Variants in ERC2 observed in about 807,000 individuals in gnomAD.
ERC2 encodes ERC protein 2.
Under a neutral mutation model 114.8 loss-of-function variants are expected in ERC2, and 42 were observed. The observed-to-expected ratio is 0.37, with a 90% confidence interval of 0.29 to 0.47. The LOEUF (loss-of-function observed/expected upper bound fraction) is 0.47. ERC2 is among the 20% of genes least tolerant of loss of function. The probability of loss-of-function intolerance (pLI) is 0.99; values close to 1 mark genes in which losing one functional copy is unlikely to be tolerated. For missense variants in ERC2, 939 were observed against 1,150.7 expected (o/e 0.82, Z 2.66); for synonymous variants, 454 against 425.5 (o/e 1.07, Z -0.82).
At chr3:55,574,897 C>T (rs1038562674) in intron 17 of ERC2, among the ~76,000 whole-genome samples, 4 of 152,206 alleles carry the variant, frequency 2.6e-5, no homozygotes, top group Non-Finnish European at 5.9e-5. Flanking sequence ...CCCTAGCTGA[C>T]CCCACTGCCA....
chr3:56,199,414 A>G (rs1345199325), intron 3 of ERC2, among the ~76,000 whole-genome samples: 1 of 152,042 alleles, frequency 6.6e-6, no homozygotes, highest in Non-Finnish European at 1.5e-5. Context: ...AAACAAGGGG[A>G]GTGGTAATTA....
At chr3:55,919,994 A>T (rs770471781) in intron 13 of ERC2, among the ~76,000 whole-genome samples, 30 of 152,290 alleles carry the variant, frequency 2.0e-4, no homozygotes, top group Admixed American at 7.9e-4. Context: ...AAATAATAGC[A>T]CATATTATCT....
chr3:56,431,361 A>G (rs2061781616), intron 2 of ERC2, among the ~76,000 whole-genome samples: 1 of 152,090 alleles, frequency 6.6e-6, no homozygotes, highest in Non-Finnish European at 1.5e-5. Context: ...CAATTATGTC[A>G]CTTTCAGTTC....
At position 56,296,025 on chromosome 3, in the gene ERC2, A is replaced by G; in HGVS notation, c.1068T>C (p.Leu356=). Reference sequence around the variant, plus strand: ...ATACAGTGAATGCTCTTACCTCTCTAAGATGTATGTTTTCCTTCTCTTTCT... The same window carrying G: ...ATACAGTGAATGCTCTTACCTCTCTGAGATGTATGTTTTCCTTCTCTTTCT... ...LDQKEKENIH[L]REELHRRSQL... is the part of the protein sequence containing the mutation. The change falls in exon 3 of 18, where the codon CTT becomes CTC. Residue 356 remains leucine, a synonymous_variant. Coordinates refer to ENST00000288221, the MANE Select transcript of ERC2 (RefSeq NM_015576.3). 1 of 1,588,988 alleles carries G rather than the reference A, an allele frequency of 6.3e-7. No homozygotes were observed. The highest frequency in any genetic ancestry group is 8.6e-7 in the Non-Finnish European group (1 of 1,166,730).
intron 3 of ERC2, among the ~76,000 whole-genome samples, chr3:56,206,345 T>C (rs1322178290): frequency 3.3e-5 from 5 of 152,164 alleles, no homozygotes; most frequent in East Asian, 1.9e-4. Context: ...GTTCCCAATT[T>C]TCCAATGATG....
intron 4 of ERC2, among the ~76,000 whole-genome samples, chr3:56,162,078 G>A (rs2082078073): frequency 6.6e-6 from 1 of 152,082 alleles, no homozygotes; most frequent in Non-Finnish European, 1.5e-5. Context: ...AATTTCTTGA[G>A]GGTTTTTATC....
chr3:55,768,730 T>C (rs2149017630), intron 14 of ERC2, among the ~76,000 whole-genome samples: 1 of 152,158 alleles, frequency 6.6e-6, no homozygotes, highest in South Asian at 2.1e-4. Context: ...AGCAAGCCAA[T>C]GGGGCCGGAG....
chr3:56,061,399 C>G (rs567055790), intron 7 of ERC2, among the ~76,000 whole-genome samples: 1 of 152,318 alleles, frequency 6.6e-6, no homozygotes, highest in African/African-American at 2.4e-5. Context: ...CTAGACTAGT[C>G]TGCATGCTGA....
At chr3:56,115,748 G>C (rs1036111466) in intron 6 of ERC2, among the ~76,000 whole-genome samples, 1 of 151,982 alleles carries the variant, frequency 6.6e-6, no homozygotes, top group African/African-American at 2.4e-5. Context: ...AGGACTGGGA[G>C]AGACTGCCCC....
chr3:56,253,837 G>A (rs1247640682), intron 3 of ERC2, among the ~76,000 whole-genome samples: 1 of 152,186 alleles, frequency 6.6e-6, no homozygotes, highest in Non-Finnish European at 1.5e-5. Context: ...CCAGGGGTGC[G>A]AATCTGCAAC....
At chr3:56,295,823 T>C (rs1191471616) in intron 3 of ERC2, among the ~76,000 whole-genome samples, 196 bp downstream of exon 3, 2 of 152,168 alleles carry the variant, frequency 1.3e-5, no homozygotes, top group African/African-American at 2.4e-5. Flanking sequence ...TGAATAATAA[T>C]GGAATGCATG....
At position 55,790,061 on chromosome 3, in the gene ERC2, C is replaced by G. The variant is rs369279639; in HGVS notation, c.2565-55143G>C. On this transcript the variant is annotated intron_variant, in intron 14 of 17. Coordinates refer to ENST00000288221, the MANE Select transcript of ERC2 (RefSeq NM_015576.3). ...GAACTGAAGTCTAAAGGCTCTCCCCCAAACATGAACCTGATCCTGATACAC... is the reference window on the plus strand; with the variant it reads ...GAACTGAAGTCTAAAGGCTCTCCCCGAAACATGAACCTGATCCTGATACAC... Among the ~76,000 whole-genome samples, 376 of 152,270 alleles carry G rather than the reference C, an allele frequency of 2.5e-3. 3 individuals are homozygous for G. The highest frequency in any genetic ancestry group is 8.6e-3 in the African/African-American group (359 of 41,566).
chr3:55,824,440 T>C (rs1007661772), intron 14 of ERC2, among the ~76,000 whole-genome samples: 3 of 152,212 alleles, frequency 2.0e-5, no homozygotes, highest in African/African-American at 7.2e-5. Context: ...AACTCCCATA[T>C]GAGTAAGAAA....
chr3:55,771,013 T>C (rs1385964911), intron 14 of ERC2, among the ~76,000 whole-genome samples: 2 of 152,238 alleles, frequency 1.3e-5, no homozygotes, highest in Non-Finnish European at 2.9e-5. Flanking sequence ...CTATGGTGTA[T>C]ATGTGCCACA....
At chr3:55,706,804 A>G (rs815427) in intron 15 of ERC2, among the ~76,000 whole-genome samples, 81,152 of 151,884 alleles carry the variant, frequency 0.53, 22,758 homozygotes, top group South Asian at 0.73. Flanking sequence ...GGACTAACAC[A>G]CCTGTGACTC....
intron 14 of ERC2, among the ~76,000 whole-genome samples, chr3:55,857,292 A>T (rs2061831414): frequency 6.6e-6 from 1 of 152,188 alleles, no homozygotes; most frequent in African/African-American, 2.4e-5. Context: ...GCTGACAGTG[A>T]AGCAAAGACC....
chr3:56,268,871 CTT>C (rs2053486121), intron 3 of ERC2, among the ~76,000 whole-genome samples: 1 of 152,188 alleles, frequency 6.6e-6, no homozygotes, highest in South Asian at 2.1e-4. Flanking sequence ...ACTCAGCTGA[CTT>C]TAACCTGATG....
chr3:55,953,232 G>A (rs2067704375), intron 12 of ERC2, among the ~76,000 whole-genome samples: 1 of 151,352 alleles, frequency 6.6e-6, no homozygotes. Flanking sequence ...ATGAGTGGCT[G>A]AGAAAAATGG....
chr3:56,039,349 A>G (rs910069282), intron 7 of ERC2, among the ~76,000 whole-genome samples: 7 of 152,222 alleles, frequency 4.6e-5, no homozygotes, highest in African/African-American at 7.2e-5. Flanking sequence ...ATCTCTATAT[A>G]CTAACAACAA....
Sources: allele counts gnomAD v4.1 joint callset (sites outside exome capture counted in the v4.1 genomes callset), GRCh38; gene constraint gnomAD v4.1.1; transcripts MANE v1.5; gene names NCBI Gene and HGNC (gene_info 2026-07-23, HGNC 2026-07-21).